KHDC1L: variants seen among roughly 807,000 people sequenced by gnomAD.
KHDC1L encodes the protein KHDC1-like protein.
In KHDC1L, 5 loss-of-function variants were observed where a neutral mutation model predicts 11.2. That is an observed-to-expected ratio of 0.45 (90% CI 0.23 to 0.94). The LOEUF (loss-of-function observed/expected upper bound fraction) is 0.94. Ranked by LOEUF, KHDC1L falls within the 40% of genes least tolerant of loss-of-function variation. The pLI is 0.22. For synonymous variants in KHDC1L, 66 were observed against 62.7 expected (o/e 1.05, Z -0.25); for missense variants, 168 against 165.8 (o/e 1.01, Z -0.07).
rs778767151 is a variant in KHDC1L at position 73,224,243 on chromosome 6, C to T, written c.218G>A (p.Gly73Glu). The T allele has an allele frequency of 9.5e-6, 15 of 1,582,216 alleles. No individual in the cohort carries two copies. Among genetic ancestry groups the T allele is most frequent in the African/African-American group, 2.7e-5 (2 of 74,372 alleles). Residue 73 changes from glycine (G) to glutamate (E), a missense_variant, in exon 2 of 3, where the codon GGA becomes GAA. Gly to Glu is a moderately conservative substitution (Grantham distance 98). Transcript: ENST00000370388. ...CAGCCACTGCTTTGCCATTGGTGGT[C>T]CGACTACAGTCACACGTGTCTGGCC... Reference protein sequence around the residue: ...ATGQTRVTVVGPPMAKQWLLL... With the variant: ...ATGQTRVTVVEPPMAKQWLLL...
intron 1 of KHDC1L, 50 bp downstream of exon 1, chr6:73,225,247 A>G (rs780649690): frequency 2.0e-6 from 3 of 1,537,618 alleles, no homozygotes; most frequent in South Asian, 2.3e-5. Flanking sequence ...TCTCAAAAAA[A>G]TAAAAATAAA....
intron 2 of KHDC1L, 66 bp downstream of exon 2, chr6:73,224,100 C>T: frequency 1.4e-6 from 2 of 1,468,696 alleles, no homozygotes. Context: ...TCCAAGATGC[C>T]ACACAACACA....
chr6:73,224,140 TC>T, intron 2 of KHDC1L, 25 bp downstream of exon 2: 1 of 1,525,286 alleles, frequency 6.6e-7, no homozygotes, highest in Non-Finnish European at 8.8e-7. Flanking sequence ...GCCCTCCACC[TC>T]CACAGTTCGG....
At chr6:73,223,938 C>A in intron 2 of KHDC1L, 99 bp from the exon 3 acceptor site, 1 of 1,111,116 alleles carries the variant, frequency 9.0e-7, no homozygotes, top group Non-Finnish European at 1.3e-6. Context: ...AGGATGTCAC[C>A]CCAGCCCAGG....
Position 73,225,284 on chromosome 6 carries a change from A to G in KHDC1L, c.112+13T>C, listed in dbSNP as rs1411622071. On this transcript the variant is annotated intron_variant, in intron 1 of 2. Transcript: ENST00000370388. ...AACAGATGAAGGAGGGGACGTGGGC[A>G]AAGGCCACTCACCGAAGATGAGCTC... 6.2e-7 allele frequency: 1 copy of G among 1,611,890 alleles called. No individual in the cohort carries two copies. Among genetic ancestry groups the G allele is most frequent in the Non-Finnish European group, 8.5e-7 (1 of 1,178,582 alleles).
At chr6:73,225,234 C>CT in intron 1 of KHDC1L, 63 bp downstream of exon 1, 3 of 1,446,966 alleles carry the variant, frequency 2.1e-6, no homozygotes, top group Non-Finnish European at 2.8e-6. Context: ...GAGCGAGAAT[C>CT]TGTCTCAAAA....
chr6:73,223,742 G>T lies in KHDC1L; in HGVS notation c.*6C>A. ...TTCTCCTCTCATCCCCTCTTCCCAGGGGAGATCAGTCTCCGGTGTACGGTG... is the reference window on the plus strand; with the variant it reads ...TTCTCCTCTCATCCCCTCTTCCCAGTGGAGATCAGTCTCCGGTGTACGGTG... On this transcript the variant is annotated 3_prime_UTR_variant, in exon 3 of 3. Transcript: ENST00000370388. 1 of 1,598,714 alleles carries T rather than the reference G, an allele frequency of 6.3e-7. No individual in the cohort carries two copies. Among genetic ancestry groups the T allele is most frequent in the Non-Finnish European group, 8.5e-7 (1 of 1,171,858 alleles).
rs1766304477 is a variant in KHDC1L, at chr6:73,223,686, A to T, written c.*62T>A. ...ATTCAAACTTTCTTCAGTGTTTTTC[A>T]TGTCTTTCTCACCAAAAGCGAAGCC... On this transcript the variant is annotated 3_prime_UTR_variant, in exon 3 of 3. Transcript: ENST00000370388. The T allele has an allele frequency of 1.5e-6, 2 of 1,378,918 alleles. No homozygotes were observed. The highest frequency in any genetic ancestry group is 2.5e-5 in the South Asian group (2 of 79,712). The allele number at this position is 1,378,918 out of a possible 1,614,324, so 85.4% of individuals were successfully genotyped here. A position where few individuals can be genotyped will look rare whatever the true frequency, so the allele number is the denominator to read the frequency against.
chr6:73,224,480 G>T (rs1356733091), intron 1 of KHDC1L, 132 bp from the exon 2 acceptor site: 2 of 768,168 alleles, frequency 2.6e-6, no homozygotes, highest in Non-Finnish European at 4.1e-6. Flanking sequence ...TCGAGAAGGG[G>T]ATGAAGGAGG....
At chr6:73,224,501 G>A (rs1766322220) in intron 1 of KHDC1L, among the ~76,000 whole-genome samples, 153 bp from the exon 2 acceptor site, 1 of 152,062 alleles carries the variant, frequency 6.6e-6, no homozygotes, top group Non-Finnish European at 1.5e-5. Context: ...CCGGCCTAGC[G>A]CAGTGACTCA....
chr6:73,225,285 A>G lies in KHDC1L; in HGVS notation c.112+12T>C. The stretch of plus-strand genomic sequence containing the variant: ...ACAGATGAAGGAGGGGACGTGGGCA[A>G]AGGCCACTCACCGAAGATGAGCTCC... On this transcript the variant is annotated intron_variant, in intron 1 of 2. Transcript: ENST00000370388. 6.2e-7 allele frequency: 1 copy of G among 1,612,100 alleles called. No homozygotes were observed. Among genetic ancestry groups the G allele is most frequent in the Non-Finnish European group, 8.5e-7 (1 of 1,178,732 alleles).
In KHDC1L at chr6:73,225,476, G is replaced by A. The variant is rs543143405; in HGVS notation, c.-68C>T. The A allele has an allele frequency of 8.8e-7, 1 of 1,138,702 alleles. No homozygotes were observed. The highest frequency in any genetic ancestry group is 1.3e-6 in the Non-Finnish European group (1 of 759,902). The allele number at this position is 1,138,702 out of a possible 1,614,324, so 70.5% of individuals were successfully genotyped here. A position where few individuals can be genotyped will look rare whatever the true frequency, so the allele number is the denominator to read the frequency against. On this transcript the variant is annotated 5_prime_UTR_variant, in exon 1 of 3. Transcript: ENST00000370388. ...ACTGGTTGGCAAAAGACTTGGAAAA[G>A]CGAGGAAGGGCCTAGGCTCTGTCCT...
Position 73,224,227 on chromosome 6 carries a change from C to CTTTG in KHDC1L, c.230_233dup (p.Lys78AsnfsTer38). On this transcript the variant is annotated frameshift_variant, in exon 2 of 3. Transcript: ENST00000370388. LOFTEE classifies it high-confidence loss of function. ...AATGGAACATGAGCAGCAGCCACTG[C>CTTTG]TTTGCCATTGGTGGTCCGACTACAG... 1 of 1,578,044 alleles carries CTTTG rather than the reference C, an allele frequency of 6.3e-7. No homozygotes were observed. Among genetic ancestry groups the CTTTG allele is most frequent in the Non-Finnish European group, 8.6e-7 (1 of 1,161,042 alleles).
At chr6:73,224,401 G>T in intron 1 of KHDC1L, 53 bp from the exon 2 acceptor site, 1 of 1,454,178 alleles carries the variant, frequency 6.9e-7, no homozygotes, top group Non-Finnish European at 9.2e-7. Context: ...TCCTTGGGGA[G>T]TGAGGAGGTG....
intron 1 of KHDC1L, among the ~76,000 whole-genome samples, 167 bp from the exon 2 acceptor site, chr6:73,224,515 C>T (rs1766322673): frequency 6.6e-6 from 1 of 152,060 alleles, no homozygotes; most frequent in African/African-American, 2.4e-5. Flanking sequence ...TGACTCATGC[C>T]TGTAATCCCA....
intron 1 of KHDC1L, among the ~76,000 whole-genome samples, chr6:73,224,703 G>A (rs1269971814): frequency 2.2e-4 from 33 of 148,204 alleles, no homozygotes; most frequent in African/African-American, 5.5e-4. Flanking sequence ...GTGAACCCGG[G>A]AGGCGGAGCT....
In KHDC1L at chr6:73,223,711, C is replaced by G. The variant is rs1371882705; in HGVS notation, c.*37G>C. ...ATGTCTTTCTCACCAAAAGCGAAGCCAAGACTTCTCCTCTCATCCCCTCTT... is the reference window on the plus strand; with the variant it reads ...ATGTCTTTCTCACCAAAAGCGAAGCGAAGACTTCTCCTCTCATCCCCTCTT... On this transcript the variant is annotated 3_prime_UTR_variant, in exon 3 of 3. Transcript: ENST00000370388. The G allele has an allele frequency of 1.9e-6, 3 of 1,541,226 alleles. No homozygotes were observed. The highest frequency in any genetic ancestry group is 2.7e-6 in the Non-Finnish European group (3 of 1,128,948).
At position 73,225,089 on chromosome 6, in the gene KHDC1L, C is replaced by CAA. The variant is rs774109371; in HGVS notation, c.112+206_112+207dup. Among the ~76,000 whole-genome samples the CAA allele has an allele frequency of 5.9e-3, 569 of 95,838 alleles. 8 individuals are homozygous for CAA. The highest frequency in any genetic ancestry group is 0.019 in the African/African-American group (504 of 26,606). The allele number at this position is 95,838 out of a possible 152,430, so 62.9% of individuals were successfully genotyped here. On this transcript the variant is annotated intron_variant, in intron 1 of 2. Coordinates refer to ENST00000370388, the MANE Select transcript of KHDC1L (RefSeq NM_001126063.3). ...CAGAGCAAGACTCCGTCTCGAGTCTCAAAAAAAAAAAAAAAAAAAGTACAA... is the reference window on the plus strand; with the variant it reads ...CAGAGCAAGACTCCGTCTCGAGTCTCAAAAAAAAAAAAAAAAAAAAAGTACAA...
At position 73,224,215 on chromosome 6, in the gene KHDC1L, C is replaced by T. The variant is rs1482398329; in HGVS notation, c.246G>A (p.Leu82=). Residue 82 remains leucine, a synonymous_variant, in exon 2 of 3, where the codon CTG becomes CTA. Transcript: ENST00000370388. ...GGCTCCCCACGCAATGGAACATGAG[C>T]AGCAGCCACTGCTTTGCCATTGGTG... The part of the protein sequence containing the change: ...VGPPMAKQWL[L]LMFHCVGSQD... 2 of 1,575,468 alleles carry T rather than the reference C, an allele frequency of 1.3e-6. No individual in the cohort carries two copies. The highest frequency in any genetic ancestry group is 1.7e-6 in the Non-Finnish European group (2 of 1,160,020).
Sources: allele counts gnomAD v4.1 joint callset (sites outside exome capture counted in the v4.1 genomes callset), GRCh38; gene constraint gnomAD v4.1.1; transcripts MANE v1.5; gene names NCBI Gene and HGNC (gene_info 2026-07-23, HGNC 2026-07-21).